The following PPP2R2B variants were observed in gnomAD, a reference collection of about 807,000 sequenced individuals.
The protein encoded by PPP2R2B is serine/threonine-protein phosphatase 2A 55 kDa regulatory subunit B beta isoform.
PPP2R2B carries 5 observed loss-of-function variants against 46.0 expected under a neutral mutation model. The observed-to-expected ratio is 0.11, with a 90% CI of 0.06 to 0.23. The LOEUF is 0.23. Among genes scored for constraint, PPP2R2B ranks in the 10% least tolerant of loss-of-function variants. The probability of loss-of-function intolerance (pLI) is 1.00; values close to 1 mark genes in which losing one functional copy is unlikely to be tolerated. For missense variants in PPP2R2B, 367 were observed against 575.0 expected (o/e 0.64, Z 3.70); for synonymous variants, 215 against 206.7 (o/e 1.04, Z -0.34).
intron 2 of PPP2R2B, among the ~76,000 whole-genome samples, chr5:146,791,613 G>A (rs145420810): frequency 1.2e-4 from 18 of 152,136 alleles, no homozygotes; most frequent in Non-Finnish European, 2.2e-4. Flanking sequence ...ACTCCTCAAA[G>A]CTCTCCAAAC....
chr5:146,706,180 C>T (rs985397182), intron 2 of PPP2R2B, among the ~76,000 whole-genome samples: 2 of 152,110 alleles, frequency 1.3e-5, no homozygotes, highest in Admixed American at 6.5e-5. Context: ...GTAGGAGGGG[C>T]AGGCTGGGAG....
At chr5:147,012,386 C>T (rs1386907080) in intron 1 of PPP2R2B, among the ~76,000 whole-genome samples, 1 of 151,990 alleles carries the variant, frequency 6.6e-6, no homozygotes, top group Admixed American at 6.6e-5. Flanking sequence ...GTAGTATTCT[C>T]TGATGGTAGT....
At chr5:146,701,970 A>G (rs942130173) in intron 2 of PPP2R2B, among the ~76,000 whole-genome samples, 2 of 150,700 alleles carry the variant, frequency 1.3e-5, no homozygotes, top group African/African-American at 2.4e-5. Flanking sequence ...TATTAGGGCT[A>G]TTTTTAGAAA....
Position 146,856,511 on chromosome 5 carries a change from A to G in PPP2R2B, c.70+21491T>C, listed in dbSNP as rs1024059869. 9 of 1,598,722 alleles carry G rather than the reference A, an allele frequency of 5.6e-6. No individual in the cohort carries two copies. In the African/African-American group the frequency reaches 1.1e-4, roughly 19 times the overall value. ...ATAATACGAATACCTTTATTTCCAT[A>G]GGTGTTTTCATCTGGATAATTCATG... On this transcript the variant is annotated intron_variant, in intron 2 of 9. Transcript: ENST00000394411.
intron 5 of PPP2R2B, among the ~76,000 whole-genome samples, chr5:146,685,564 T>C (rs145698583): frequency 1.3e-5 from 2 of 152,348 alleles, no homozygotes; most frequent in African/African-American, 4.8e-5. Flanking sequence ...CCTAATCTCA[T>C]GACCTTTTAG....
At chr5:146,674,988 G>A (rs1316765428) in intron 5 of PPP2R2B, among the ~76,000 whole-genome samples, 1 of 152,066 alleles carries the variant, frequency 6.6e-6, no homozygotes, top group African/African-American at 2.4e-5. Context: ...ATTAGAGATG[G>A]AGTCTCGCTC....
chr5:146,829,951 G>A (rs1413026278), intron 2 of PPP2R2B, among the ~76,000 whole-genome samples: 1 of 152,052 alleles, frequency 6.6e-6, no homozygotes, highest in Admixed American at 6.6e-5. Context: ...TTTTGAAGTT[G>A]GTAAGCCTGT....
At chr5:146,741,070 C>T (rs1752849135) in intron 2 of PPP2R2B, among the ~76,000 whole-genome samples, 1 of 151,600 alleles carries the variant, frequency 6.6e-6, no homozygotes, top group Non-Finnish European at 1.5e-5. Flanking sequence ...TTGGGTCCCA[C>T]CCCAGTTCTA....
At position 147,039,175 on chromosome 5, in the gene PPP2R2B, A is replaced by T. The variant is rs75834522; in HGVS notation, c.79+16490T>A. 1.1e-3 allele frequency among the ~76,000 whole-genome samples: 166 copies of T among 152,200 alleles called. 2 individuals are homozygous for T. The East Asian group carries it at 0.031, about 29-fold the overall frequency. ...TCAGCTCAAATGCACCTCTTCAGAG[A>T]TGCCTTCCCTGTCTGCCCAATTCCT... On this transcript the variant is annotated intron_variant, in intron 1 of 8. Coordinates refer to the PPP2R2B transcript ENST00000336640.
At chr5:146,774,968 C>T (rs1755093901) in intron 2 of PPP2R2B, among the ~76,000 whole-genome samples, 1 of 152,030 alleles carries the variant, frequency 6.6e-6, no homozygotes, top group Non-Finnish European at 1.5e-5. Flanking sequence ...AGACCTGTAT[C>T]AAGCAAGGAA....
chr5:146,739,737 T>G (rs894532282), intron 2 of PPP2R2B, among the ~76,000 whole-genome samples: 26 of 152,226 alleles, frequency 1.7e-4, no homozygotes, highest in African/African-American at 5.8e-4. Context: ...TGATCACTAT[T>G]TATCCATCTG....
intron 2 of PPP2R2B, among the ~76,000 whole-genome samples, chr5:146,775,299 A>G (rs1458467488): frequency 6.6e-6 from 1 of 152,212 alleles, no homozygotes; most frequent in Non-Finnish European, 1.5e-5. Flanking sequence ...CACCCTGAGC[A>G]AGTGAAATTT....
At chr5:146,823,976 T>C (rs73793288) in intron 2 of PPP2R2B, among the ~76,000 whole-genome samples, 4,008 of 152,284 alleles carry the variant, frequency 0.026, 51 homozygotes, top group Middle Eastern at 0.044. Flanking sequence ...CCTGGATCCC[T>C]GGTAGTAGAT....
In PPP2R2B at chr5:146,949,595, A is replaced by G. The variant is rs368624770; in HGVS notation, c.79+106070T>C. Among the ~76,000 whole-genome samples the G allele has an allele frequency of 4.7e-4, 72 of 152,262 alleles. 1 individual carries two copies. Among genetic ancestry groups the G allele is most frequent in the African/African-American group, 1.5e-3 (64 of 41,576 alleles). Reference sequence around the variant, plus strand: ...ATGTAAATTAGTACAACCACTAGGTAGAACAGTATGTAGATTCCTCAAAAA... The same window carrying G: ...ATGTAAATTAGTACAACCACTAGGTGGAACAGTATGTAGATTCCTCAAAAA... On this transcript the variant is annotated intron_variant, in intron 1 of 8. Transcript: ENST00000336640.
At chr5:146,691,347 G>T (rs772713574) in intron 4 of PPP2R2B, 107 bp from the exon 5 acceptor site, 27 of 797,056 alleles carry the variant, frequency 3.4e-5, no homozygotes, top group African/African-American at 8.6e-5. Context: ...GGATAGAATT[G>T]CTACAGAAGC....
chr5:146,957,782 T>C (rs1436173378), intron 1 of PPP2R2B, among the ~76,000 whole-genome samples: 1 of 152,170 alleles, frequency 6.6e-6, no homozygotes, highest in Non-Finnish European at 1.5e-5. Flanking sequence ...AGTTTCTAAG[T>C]TGTGCAAAGA....
intron 1 of PPP2R2B, among the ~76,000 whole-genome samples, chr5:146,998,376 T>A (rs929213583): frequency 6.6e-6 from 1 of 152,176 alleles, no homozygotes; most frequent in South Asian, 2.1e-4. Flanking sequence ...GTAAATATCC[T>A]TAATTGAGTC....
At chr5:146,654,455 G>A (rs1483856797) in intron 5 of PPP2R2B, among the ~76,000 whole-genome samples, 4 of 152,182 alleles carry the variant, frequency 2.6e-5, no homozygotes, top group African/African-American at 9.6e-5. Flanking sequence ...GCAATCTCAT[G>A]CGGTTTAACC....
chr5:146,849,960 T>C (rs1760241249), intron 2 of PPP2R2B, among the ~76,000 whole-genome samples: 1 of 152,034 alleles, frequency 6.6e-6, no homozygotes, highest in Non-Finnish European at 1.5e-5. Context: ...CTCACACTTC[T>C]AGGAAGGAAA....
Sources: allele counts gnomAD v4.1 joint callset (sites outside exome capture counted in the v4.1 genomes callset), GRCh38; gene constraint gnomAD v4.1.1; transcripts MANE v1.5; gene names NCBI Gene and HGNC (gene_info 2026-07-23, HGNC 2026-07-21).